NDST3: variants seen among roughly 807,000 people sequenced by gnomAD.
NDST3 encodes the protein bifunctional heparan sulfate N-deacetylase/N-sulfotransferase 3.
NDST3 carries 58 observed loss-of-function variants against 96.1 expected under a neutral mutation model. That is an observed-to-expected ratio of 0.60 (90% CI 0.49 to 0.75). The LOEUF (loss-of-function observed/expected upper bound fraction) is 0.75. NDST3 is among the 30% of genes least tolerant of loss of function. The pLI, the probability that NDST3 is intolerant of heterozygous loss-of-function variation, is 0.00. For missense variants in NDST3, 788 were observed against 1,034.2 expected (o/e 0.76, Z 3.27); for synonymous variants, 333 against 359.7 (o/e 0.93, Z 0.84).
chr4:118,193,538 A>G, intron 6 of NDST3: 1 of 997,758 alleles, frequency 1.0e-6, no homozygotes, highest in Admixed American at 1.7e-5. Context: ...CAGCCTCTCA[A>G]ACGTGTTGGC....
chr4:118,069,477 G>T (rs1305229479), intron 2 of NDST3, among the ~76,000 whole-genome samples: 3 of 151,670 alleles, frequency 2.0e-5, no homozygotes, highest in African/African-American at 2.4e-5. Flanking sequence ...CCTGTTTGGG[G>T]TTTTTTTGTC....
chr4:118,167,168 G>T (rs180774646), intron 6 of NDST3, among the ~76,000 whole-genome samples: 67 of 151,356 alleles, frequency 4.4e-4, no homozygotes, highest in Non-Finnish European at 7.2e-4. Flanking sequence ...ACATACACAC[G>T]CAGGCACACA....
chr4:118,172,879 A>G (rs1191408794), intron 6 of NDST3, among the ~76,000 whole-genome samples: 1 of 152,134 alleles, frequency 6.6e-6, no homozygotes, highest in Non-Finnish European at 1.5e-5. Flanking sequence ...CTTTTTCTTC[A>G]CATTTCAAAA....
intron 3 of NDST3, among the ~76,000 whole-genome samples, chr4:118,107,797 G>A (rs1371970700): frequency 6.6e-6 from 1 of 152,050 alleles, no homozygotes. Context: ...CTAAAATTAA[G>A]TATTTTTTAT....
At chr4:118,187,034 C>A (rs1318548800) in intron 6 of NDST3, among the ~76,000 whole-genome samples, 3 of 152,106 alleles carry the variant, frequency 2.0e-5, no homozygotes, top group Non-Finnish European at 4.4e-5. Context: ...TGCTTTTTAG[C>A]CAGAGTCCCC....
At chr4:118,221,536 G>A (rs1317571087) in intron 6 of NDST3, among the ~76,000 whole-genome samples, 2 of 151,928 alleles carry the variant, frequency 1.3e-5, no homozygotes, top group Non-Finnish European at 2.9e-5. Context: ...TCTTGGTAAT[G>A]AGCCATGCAT....
intron 12 of NDST3, among the ~76,000 whole-genome samples, chr4:118,249,916 A>G (rs964136490): frequency 2.0e-5 from 3 of 152,214 alleles, no homozygotes; most frequent in African/African-American, 7.2e-5. Context: ...CAAAAAATTT[A>G]ATCATGCTCC....
At chr4:118,230,534 C>T (rs1333152713) in intron 8 of NDST3, among the ~76,000 whole-genome samples, 4 of 151,280 alleles carry the variant, frequency 2.6e-5, no homozygotes, top group East Asian at 1.9e-4. Context: ...GAGATCACGC[C>T]GCTGCACTCT....
At chr4:118,116,990 G>C (rs1310582608) in intron 4 of NDST3, among the ~76,000 whole-genome samples, 1 of 152,072 alleles carries the variant, frequency 6.6e-6, no homozygotes, top group African/African-American at 2.4e-5. Context: ...AACAATATCT[G>C]GTCATTCTTA....
rs1214149483 is a variant in NDST3 at position 118,257,492 on chromosome 4, TC to T, written c.*1783del. The T allele has an allele frequency of 2.0e-5, 3 of 152,070 alleles. No individual in the cohort carries two copies. The highest frequency in any genetic ancestry group is 4.4e-5 in the Non-Finnish European group (3 of 68,026). The allele number at this position is 152,070 out of a possible 1,614,324, so 9.4% of individuals were successfully genotyped here. A position where few individuals can be genotyped will look rare whatever the true frequency, so the allele number is the denominator to read the frequency against. The stretch of plus-strand genomic sequence containing the variant: ...CATAAAATTTAAGTAGTAAATTAAT[TC>T]CCTGCTATGATTATAAGCCTTTATA... On this transcript the variant is annotated 3_prime_UTR_variant, in exon 14 of 14. Coordinates refer to ENST00000296499, the MANE Select transcript of NDST3 (RefSeq NM_004784.3).
chr4:118,066,324 T>TATATCA lies in NDST3; in HGVS notation c.981+11433_981+11434insATATCA, dbSNP rs1726440779. ...TTATGTATTATATATATTATATATA[T>TATATCA]TATGTATTATATATATTATATATCA... On this transcript the variant is annotated intron_variant, in intron 2 of 13. Transcript: ENST00000296499. 3.5e-4 allele frequency among the ~76,000 whole-genome samples: 2 copies of TATATCA among 5,664 alleles called. 1 individual carries two copies. Among genetic ancestry groups the TATATCA allele is most frequent in the Non-Finnish European group, 2.9e-3 (2 of 684 alleles). 3.7% of individuals were successfully genotyped at this position (5,664 alleles called of 152,430 possible). A position where few individuals can be genotyped will look rare whatever the true frequency, so the allele number is the denominator to read the frequency against.
At chr4:118,073,695 T>G (rs983718232) in intron 2 of NDST3, among the ~76,000 whole-genome samples, 2 of 152,044 alleles carry the variant, frequency 1.3e-5, no homozygotes, top group Non-Finnish European at 2.9e-5. Context: ...ATCTCTTACA[T>G]GCTTTTTTAT....
chr4:118,049,915 G>A (rs1257321103), intron 1 of NDST3, among the ~76,000 whole-genome samples: 1 of 151,916 alleles, frequency 6.6e-6, no homozygotes, highest in Non-Finnish European at 1.5e-5. Flanking sequence ...ACCAAAATCT[G>A]GCAGAGACAC....
chr4:118,113,314 TAAA>T (rs992876968), intron 3 of NDST3, among the ~76,000 whole-genome samples: 3 of 152,088 alleles, frequency 2.0e-5, no homozygotes, highest in Non-Finnish European at 2.9e-5. Flanking sequence ...AAGAAAAAAA[TAAA>T]GAAAATAAAA....
At chr4:118,155,113 T>A (rs886410296) in intron 6 of NDST3, among the ~76,000 whole-genome samples, 5 of 152,226 alleles carry the variant, frequency 3.3e-5, no homozygotes, top group African/African-American at 9.6e-5. Flanking sequence ...CTTTTAAATT[T>A]ATAAAGCCAA....
rs1742112246 is a variant in NDST3 at position 118,256,121 on chromosome 4, T to C, written c.*409T>C. On this transcript the variant is annotated 3_prime_UTR_variant, in exon 14 of 14. Transcript: ENST00000296499. ...GATGTTTTCTTATTATTTTATTCTA[T>C]AAAGTGTCCTATGAAACAAGAAGCA... The C allele has an allele frequency of 2.0e-5, 3 of 152,652 alleles. No individual in the cohort carries two copies. Among genetic ancestry groups the C allele is most frequent in the Non-Finnish European group, 2.9e-5 (2 of 68,256 alleles). 9.5% of individuals were successfully genotyped at this position (152,652 alleles called of 1,614,324 possible).
At chr4:118,052,528 A>C (rs1725139023) in intron 1 of NDST3, among the ~76,000 whole-genome samples, 1 of 151,628 alleles carries the variant, frequency 6.6e-6, no homozygotes, top group Admixed American at 6.6e-5. Context: ...TACCCTCTAA[A>C]ATAACGGTTG....
intron 12 of NDST3, among the ~76,000 whole-genome samples, chr4:118,250,487 C>CTT (rs775929321): frequency 2.1e-5 from 3 of 143,908 alleles, no homozygotes; most frequent in African/African-American, 5.1e-5. Context: ...CTGTTCCAAT[C>CTT]TTTTTTTTTT....
At chr4:118,157,851 T>C (rs895966738) in intron 6 of NDST3, among the ~76,000 whole-genome samples, 10 of 152,220 alleles carry the variant, frequency 6.6e-5, no homozygotes, top group Non-Finnish European at 1.3e-4. Context: ...TGGATGTGTA[T>C]GTAATATATT....
Sources: allele counts gnomAD v4.1 joint callset (sites outside exome capture counted in the v4.1 genomes callset), GRCh38; gene constraint gnomAD v4.1.1; transcripts MANE v1.5; gene names NCBI Gene and HGNC (gene_info 2026-07-23, HGNC 2026-07-21).